The following PRNP variants were observed in gnomAD, a reference collection of about 807,000 sequenced individuals.
The protein encoded by PRNP is major prion protein.
PRNP carries 15 observed loss-of-function variants against 21.3 expected under a neutral mutation model. That is an observed-to-expected ratio of 0.71 (90% CI 0.47 to 1.09). PRNP has a LOEUF of 1.09. Among genes scored for constraint, PRNP ranks in the 50% least tolerant of loss-of-function variants. The pLI, the probability that PRNP is intolerant of heterozygous loss-of-function variation, is 0.00. For missense variants in PRNP, 285 were observed against 340.9 expected, an observed-to-expected ratio of 0.84 and a Z score of 1.29; for synonymous variants, 121 against 123.1, an observed-to-expected ratio of 0.98 and a Z score of 0.11.
At position 4,699,382 on chromosome 20, in the gene PRNP, T is replaced by C. The variant is rs770846581; in HGVS notation, c.162T>C (p.Gly54=). ...PGGNRYPPQG[G]GGWGQPHGGG... ...GCAACCGCTACCCACCTCAGGGCGG[T>C]GGTGGCTGGGGGCAGCCTCATGGTG... Residue 54 remains glycine, a synonymous_variant, in exon 2 of 2, where the codon GGT becomes GGC. Coordinates refer to ENST00000379440, the MANE Select transcript of PRNP (RefSeq NM_000311.5). This position sits in a 1 kb window ranked among gnomAD's most constrained non-coding sequence, Gnocchi z 5.8. The C allele has an allele frequency of 1.0e-4, 164 of 1,610,466 alleles. No individual in the cohort carries two copies. Among genetic ancestry groups the C allele is most frequent in the Non-Finnish European group, 1.3e-4 (158 of 1,178,686 alleles).
At position 4,699,816 on chromosome 20, in the gene PRNP, C is replaced by A. The variant is rs775144659; in HGVS notation, c.596C>A (p.Thr199Asn). Reference sequence around the variant, plus strand: ...ACAACCACCAAGGGGGAGAACTTCACCGAGACCGACGTTAAGATGATGGAG... The same window carrying A: ...ACAACCACCAAGGGGGAGAACTTCAACGAGACCGACGTTAAGATGATGGAG... Reference protein sequence around the residue: ...VTTTTKGENFTETDVKMMERV... With the variant: ...VTTTTKGENFNETDVKMMERV... The change falls in exon 2 of 2, where the codon ACC becomes AAC. Residue 199 changes from threonine (T) to asparagine (N), a missense_variant. Physicochemically the swap from Thr to Asn is moderately conservative, Grantham distance 65 (BLOSUM62 0). Transcript: ENST00000379440. The surrounding 1 kb of genome is among the most constrained non-coding windows in gnomAD (Gnocchi z 5.8). The A allele has an allele frequency of 6.2e-7, 1 of 1,613,976 alleles. No individual in the cohort carries two copies. Among genetic ancestry groups the A allele is most frequent in the Non-Finnish European group, 8.5e-7 (1 of 1,180,012 alleles).
chr20:4,687,204 A>C (rs1921509742), intron 1 of PRNP, among the ~76,000 whole-genome samples: 1 of 151,606 alleles, frequency 6.6e-6, no homozygotes, highest in Non-Finnish European at 1.5e-5. Flanking sequence ...GGCCGTTGCC[A>C]CCGCCTGGAG....
intron 1 of PRNP, among the ~76,000 whole-genome samples, chr20:4,695,964 C>T (rs183390595): frequency 3.3e-5 from 5 of 152,294 alleles, no homozygotes; most frequent in South Asian, 4.1e-4. Flanking sequence ...AGTGTATCTA[C>T]GTGGGTTTCT....
At chr20:4,687,603 C>T (rs958779995) in intron 1 of PRNP, among the ~76,000 whole-genome samples, 2 of 151,594 alleles carry the variant, frequency 1.3e-5, no homozygotes, top group Admixed American at 6.6e-5. Flanking sequence ...TTTTTTTAAC[C>T]TCGCAATTCC....
intron 1 of PRNP, among the ~76,000 whole-genome samples, chr20:4,693,355 G>A (rs1270921530): frequency 6.6e-6 from 1 of 152,046 alleles, no homozygotes; most frequent in Admixed American, 6.6e-5. Context: ...ATGTTTTGTA[G>A]ACATGGGGTT....
chr20:4,696,490 T>C (rs1328843432), intron 1 of PRNP, among the ~76,000 whole-genome samples: 3 of 152,262 alleles, frequency 2.0e-5, no homozygotes, highest in Non-Finnish European at 4.4e-5. Flanking sequence ...CCTTGCACTC[T>C]AGCGTTGGTT....
intron 1 of PRNP, among the ~76,000 whole-genome samples, chr20:4,689,969 T>C (rs1482539949): frequency 6.6e-6 from 1 of 152,214 alleles, no homozygotes; most frequent in East Asian, 1.9e-4. Context: ...GAAGCTTTTA[T>C]AGATTCCCAA....
chr20:4,699,947 C>G lies in PRNP; in HGVS notation c.727C>G (p.Leu243Val), dbSNP rs1477724497. The G allele has an allele frequency of 1.2e-6, 2 of 1,613,442 alleles. No individual in the cohort carries two copies. The highest frequency in any genetic ancestry group is 3.3e-5 in the Admixed American group (2 of 59,950). ...VLFSSPPVIL[L>V]ISFLIFLIVG Reference sequence around the variant, plus strand: ...CTTCTCCTCTCCACCTGTGATCCTCCTGATCTCTTTCCTCATCTTCCTGAT... The same window carrying G: ...CTTCTCCTCTCCACCTGTGATCCTCGTGATCTCTTTCCTCATCTTCCTGAT... The change falls in exon 2 of 2, where the codon CTG becomes GTG. Residue 243 changes from leucine (L) to valine (V), a missense_variant. Transcript: ENST00000379440. The surrounding 1 kb of genome is among the most constrained non-coding windows in gnomAD (Gnocchi z 5.8).
rs1316629644 is a variant in PRNP at position 4,699,914 on chromosome 20, A to G, written c.694A>G (p.Met232Val). 2 of 1,613,690 alleles carry G rather than the reference A, an allele frequency of 1.2e-6. No individual in the cohort carries two copies. Among genetic ancestry groups the G allele is most frequent in the East Asian group, 2.2e-5 (1 of 44,850 alleles). Residue 232 changes from methionine (M) to valine (V), a missense_variant, in exon 2 of 2, where the codon ATG (methionine) becomes GTG (valine). Transcript: ENST00000379440. This position sits in a 1 kb window ranked among gnomAD's most constrained non-coding sequence, Gnocchi z 5.8. ...SQAYYQRGSS[M>V]VLFSSPPVIL... ...GGCCTATTACCAGAGAGGATCGAGC[A>G]TGGTCCTCTTCTCCTCTCCACCTGT...
At position 4,691,505 on chromosome 20, in the gene PRNP, G is replaced by T. The variant is rs1921826162; in HGVS notation, c.-11+4993G>T. On this transcript the variant is annotated intron_variant, in intron 1 of 1. Transcript: ENST00000379440. ...TTGAATTTTGTCAAACGCTTTTTCT[G>T]CATCTATTGAAATGATCGTATGGTT... Among the ~76,000 whole-genome samples, 3 of 152,118 alleles carry T rather than the reference G, an allele frequency of 2.0e-5. No individual in the cohort carries two copies. The South Asian group carries it at 6.2e-4, about 32-fold the overall frequency.
In PRNP at chr20:4,699,297, C is replaced by T; in HGVS notation, c.77C>T (p.Pro26Leu). ...WSDLGLCKKR[P>L]KPGGWNTGGS... ...GACCTGGGCCTCTGCAAGAAGCGCCCGAAGCCTGGAGGATGGAACACTGGG... is the reference window on the plus strand; with the variant it reads ...GACCTGGGCCTCTGCAAGAAGCGCCTGAAGCCTGGAGGATGGAACACTGGG... The change falls in exon 2 of 2, where the codon CCG (proline) becomes CTG (leucine). Residue 26 changes from proline to leucine, a missense_variant. Pro to Leu is a moderately conservative substitution (Grantham distance 98, BLOSUM62 -3). Transcript: ENST00000379440. The surrounding 1 kb of genome is among the most constrained non-coding windows in gnomAD (Gnocchi z 5.8). 3.1e-6 allele frequency: 5 copies of T among 1,614,064 alleles called. No individual in the cohort carries two copies. The highest frequency in any genetic ancestry group is 2.2e-5 in the East Asian group (1 of 44,872).
chr20:4,686,989 G>A lies in PRNP; in HGVS notation c.-11+477G>A, dbSNP rs529095737. 7.1e-4 allele frequency among the ~76,000 whole-genome samples: 108 copies of A among 151,970 alleles called. No individual in the cohort carries two copies. Among genetic ancestry groups the A allele is most frequent in the African/African-American group, 2.4e-3 (101 of 41,502 alleles). Reference sequence around the variant, plus strand: ...CCGTTGGCCGCCCCTCGGAGGCCGAGATCGGGGCCCAGAACGCCCCTTGGC... The same window carrying A: ...CCGTTGGCCGCCCCTCGGAGGCCGAAATCGGGGCCCAGAACGCCCCTTGGC... On this transcript the variant is annotated intron_variant, in intron 1 of 1. Transcript: ENST00000379440. This position sits in a 1 kb window ranked among gnomAD's most constrained non-coding sequence, Gnocchi z 6.7.
intron 1 of PRNP, among the ~76,000 whole-genome samples, chr20:4,695,467 G>A (rs1021296040): frequency 7.2e-5 from 11 of 152,100 alleles, no homozygotes; most frequent in African/African-American, 1.4e-4. Flanking sequence ...CATAGTATTC[G>A]ATAGCATATA....
Position 4,699,516 on chromosome 20 carries a change from G to A in PRNP, c.296G>A (p.Trp99Ter), listed in dbSNP as rs1217211965. 2 of 1,613,938 alleles carry A rather than the reference G, an allele frequency of 1.2e-6. No individual in the cohort carries two copies. The highest frequency in any genetic ancestry group is 1.7e-6 in the Non-Finnish European group (2 of 1,179,890). ...CAAGGAGGTGGCACCCACAGTCAGT[G>A]GAACAAGCCGAGTAAGCCAAAAACC... is the stretch of plus-strand genomic sequence containing the variant. ...WGQGGGTHSQ[W>*]NKPSKPKTNM... is the part of the protein sequence containing the mutation. Residue 99 changes from tryptophan to a stop codon, truncating the protein, a stop_gained, in exon 2 of 2, where the codon TGG becomes TAG. Coordinates refer to ENST00000379440, the MANE Select transcript of PRNP (RefSeq NM_000311.5). LOFTEE classifies it high-confidence loss of function. This position sits in a 1 kb window ranked among gnomAD's most constrained non-coding sequence, Gnocchi z 5.8.
At chr20:4,695,032 C>T (rs1268722862) in intron 1 of PRNP, among the ~76,000 whole-genome samples, 1 of 152,024 alleles carries the variant, frequency 6.6e-6, no homozygotes, top group Non-Finnish European at 1.5e-5. Flanking sequence ...GAAATGAATC[C>T]TCTGTTGATT....
In PRNP at chr20:4,700,838, A is replaced by G. The variant is rs1922559150; in HGVS notation, c.*856A>G. ...AAGTAAATTGCCTTCTAGACACTGA[A>G]GGCAAATCTCCTTTGTCCATTTACC... On this transcript the variant is annotated 3_prime_UTR_variant, in exon 2 of 2. Coordinates refer to ENST00000379440, the MANE Select transcript of PRNP (RefSeq NM_000311.5). The surrounding 1 kb of genome is among the most constrained non-coding windows in gnomAD (Gnocchi z 4.1). 1 of 167,132 alleles carries G rather than the reference A, an allele frequency of 6.0e-6. No individual in the cohort carries two copies. The highest frequency in any genetic ancestry group is 1.5e-5 in the Non-Finnish European group (1 of 68,264). 10.4% of individuals were successfully genotyped at this position (167,132 alleles called of 1,614,324 possible). A position where few individuals can be genotyped will look rare whatever the true frequency, so the allele number is the denominator to read the frequency against.
At position 4,699,635 on chromosome 20, in the gene PRNP, A is replaced by G. The variant is rs1555782056; in HGVS notation, c.415A>G (p.Ile139Val). The G allele has an allele frequency of 6.2e-7, 1 of 1,614,074 alleles. No homozygotes were observed. Among genetic ancestry groups the G allele is most frequent in the Non-Finnish European group, 8.5e-7 (1 of 1,179,998 alleles). The change falls in exon 2 of 2, where the codon ATA becomes GTA. Residue 139 changes from isoleucine to valine, a missense_variant. Physicochemically the swap from Ile to Val is conservative, Grantham distance 29 (BLOSUM62 3). Coordinates refer to ENST00000379440, the MANE Select transcript of PRNP (RefSeq NM_000311.5). This position sits in a 1 kb window ranked among gnomAD's most constrained non-coding sequence, Gnocchi z 5.8. ...MLGSAMSRPIIHFGSDYEDRY... is the reference protein window; with the variant it reads ...MLGSAMSRPIVHFGSDYEDRY... ...GGGAAGTGCCATGAGCAGGCCCATC[A>G]TACATTTCGGCAGTGACTATGAGGA... is the stretch of plus-strand genomic sequence containing the variant.
chr20:4,695,138 A>G (rs1922084497), intron 1 of PRNP, among the ~76,000 whole-genome samples: 1 of 148,454 alleles, frequency 6.7e-6, no homozygotes, highest in African/African-American at 2.5e-5. Context: ...TTACATTTTA[A>G]TTTTTTTTTT....
intron 1 of PRNP, among the ~76,000 whole-genome samples, chr20:4,691,925 T>C (rs1921853516): frequency 6.6e-6 from 1 of 152,216 alleles, no homozygotes; most frequent in Admixed American, 6.5e-5. Flanking sequence ...AGAATGTGTA[T>C]TCTGCAGCTG....
Sources: allele counts gnomAD v4.1 joint callset (sites outside exome capture counted in the v4.1 genomes callset), GRCh38; gene constraint gnomAD v4.1.1; non-coding constraint Gnocchi (gnomAD v3.1); transcripts MANE v1.5; gene names NCBI Gene and HGNC (gene_info 2026-07-23, HGNC 2026-07-21).